FBXO38: variants seen among roughly 807,000 people sequenced by gnomAD.
The protein encoded by FBXO38 is F-box protein 38, also known as F-box only protein 38.
In FBXO38, 53 loss-of-function variants were observed where a neutral mutation model predicts 131.9. The ratio of observed to expected loss-of-function variants is 0.40; its 90% CI spans 0.32 to 0.51. The LOEUF (loss-of-function observed/expected upper bound fraction) is 0.51, where lower values mean the gene tolerates loss of function less well. Among genes scored for constraint, FBXO38 ranks in the 20% least tolerant of loss-of-function variants. The probability of loss-of-function intolerance (pLI) is 0.53; values close to 1 mark genes in which losing one functional copy is unlikely to be tolerated. For missense variants in FBXO38, 1,076 were observed against 1,475.6 expected (o/e 0.73, Z 4.44); for synonymous variants, 452 against 505.6 (o/e 0.89, Z 1.42).
Position 148,398,676 on chromosome 5 carries a change from G to GT in FBXO38, c.129-310dup, listed in dbSNP as rs200385007. On this transcript the variant is annotated intron_variant, in intron 2 of 21. Coordinates refer to ENST00000340253, the MANE Select transcript of FBXO38 (RefSeq NM_205836.3). Reference sequence around the variant, plus strand: ...TTCTCATCACATCTTGAAAAGCACTGTTTTTTTTTTTTTCTTCTTTTCTTT... The same window carrying GT: ...TTCTCATCACATCTTGAAAAGCACTGTTTTTTTTTTTTTTCTTCTTTTCTTT... Among the ~76,000 whole-genome samples the GT allele has an allele frequency of 0.018, 2,484 of 141,846 alleles. 49 individuals are homozygous for GT. The highest frequency in any genetic ancestry group is 0.1 in the East Asian group (499 of 4,790). 93.1% of individuals were successfully genotyped at this position (141,846 alleles called of 152,430 possible).
intron 6 of FBXO38, among the ~76,000 whole-genome samples, chr5:148,405,147 G>A (rs1191686185): frequency 3.9e-5 from 6 of 151,974 alleles, no homozygotes; most frequent in Admixed American, 3.9e-4. Flanking sequence ...CATGTAAATA[G>A]TTGGCTTCCT....
intron 3 of FBXO38, among the ~76,000 whole-genome samples, chr5:148,400,665 G>C (rs75973388): frequency 1.3e-5 from 2 of 152,134 alleles, no homozygotes; most frequent in African/African-American, 4.8e-5. Flanking sequence ...TATGGTTTAC[G>C]TATATGATCT....
chr5:148,411,681 C>T (rs191527998), intron 9 of FBXO38, among the ~76,000 whole-genome samples: 164 of 152,184 alleles, frequency 1.1e-3, no homozygotes, highest in Admixed American at 5.0e-3. Flanking sequence ...TAGGTGATTA[C>T]TTTAAAAAGT....
rs201719515 is a variant in FBXO38 at position 148,440,514 on chromosome 5, C to T, written c.3261C>T (p.Ile1087=). ...KYPKYPWGRE[I]YTLEGVVDGA... Reference sequence around the variant, plus strand: ...CCAAGTACCCCTGGGGGAGAGAAATCTATACTTTAGAAGGTGAGTATTTAC... The same window carrying T: ...CCAAGTACCCCTGGGGGAGAGAAATTTATACTTTAGAAGGTGAGTATTTAC... Residue 1087 remains isoleucine, a synonymous_variant, in exon 20 of 22, where the codon ATC becomes ATT. Coordinates refer to ENST00000340253, the MANE Select transcript of FBXO38 (RefSeq NM_205836.3). 1 of 1,592,930 alleles carries T rather than the reference C, an allele frequency of 6.3e-7. No individual in the cohort carries two copies. Among genetic ancestry groups the T allele is most frequent in the Non-Finnish European group, 8.6e-7 (1 of 1,161,536 alleles).
intron 13 of FBXO38, 75 bp from the exon 14 acceptor site, chr5:148,425,447 T>G: frequency 2.6e-6 from 3 of 1,164,458 alleles, no homozygotes; most frequent in Non-Finnish European, 3.8e-6. Flanking sequence ...TGATTCCAGA[T>G]CCCTGGAAAC....
At chr5:148,386,123 G>T (rs1161033492) in intron 1 of FBXO38, among the ~76,000 whole-genome samples, 1 of 152,144 alleles carries the variant, frequency 6.6e-6, no homozygotes, top group Non-Finnish European at 1.5e-5. Flanking sequence ...CACTGCATGG[G>T]AGCCTAAATT....
intron 1 of FBXO38, among the ~76,000 whole-genome samples, chr5:148,393,733 G>C (rs1220002798): frequency 6.6e-6 from 1 of 152,140 alleles, no homozygotes; most frequent in Admixed American, 6.6e-5. Context: ...ATATTTAAAT[G>C]AATCTGAATG....
At chr5:148,393,985 TC>T (rs1207643431) in intron 1 of FBXO38, among the ~76,000 whole-genome samples, 3 of 152,150 alleles carry the variant, frequency 2.0e-5, no homozygotes, top group African/African-American at 7.2e-5. Context: ...TCCCCTCTTT[TC>T]TTTCTCTTTT....
chr5:148,442,155 C>T lies in FBXO38; in HGVS notation c.*8C>T, dbSNP rs1012901420. The T allele has an allele frequency of 1.1e-5, 18 of 1,611,566 alleles. No homozygotes were observed. Among genetic ancestry groups the T allele is most frequent in the African/African-American group, 2.7e-5 (2 of 74,900 alleles). ...GAAGATGACTACATTTAATTGGTCC[C>T]TCCTCCTTTCCAGCTATTTTGTCAG... On this transcript the variant is annotated 3_prime_UTR_variant, in exon 22 of 22. Coordinates refer to ENST00000340253, the MANE Select transcript of FBXO38 (RefSeq NM_205836.3).
chr5:148,435,704 G>A (rs1457450152), intron 17 of FBXO38, among the ~76,000 whole-genome samples: 2 of 152,142 alleles, frequency 1.3e-5, no homozygotes, highest in African/African-American at 2.4e-5. Context: ...CGGTAGGCGG[G>A]GCTTGCAGTG....
rs2113589139 is a variant in FBXO38, at chr5:148,417,104, C to G, written c.1518C>G (p.Ala506=). The G allele has an allele frequency of 6.2e-7, 1 of 1,613,324 alleles. No homozygotes were observed. The highest frequency in any genetic ancestry group is 1.1e-5 in the South Asian group (1 of 91,074). ...ATAATAATGCCCAGAATAACAATGC[C>G]AACATCCACGACAACAATCACCATC... The part of the protein sequence containing the change: ...NDDNNAQNNN[A]NIHDNNHHHP... Residue 506 remains alanine, a synonymous_variant, in exon 12 of 22, where the codon GCC becomes GCG. Transcript: ENST00000340253.
At chr5:148,398,881 T>A in intron 2 of FBXO38, 118 bp from the exon 3 acceptor site, 1 of 1,169,926 alleles carries the variant, frequency 8.5e-7, no homozygotes, top group Middle Eastern at 2.9e-4. Flanking sequence ...TAAATCTCTG[T>A]CTTAAGATCT....
At chr5:148,414,457 A>T (rs1167097150) in intron 10 of FBXO38, 151 bp downstream of exon 10, 1 of 707,514 alleles carries the variant, frequency 1.4e-6, no homozygotes, top group Admixed American at 3.5e-5. Flanking sequence ...ACCTTTGATA[A>T]CCAAGTTGGA....
chr5:148,388,969 A>T (rs1307763123), intron 1 of FBXO38, among the ~76,000 whole-genome samples: 2 of 152,196 alleles, frequency 1.3e-5, no homozygotes, highest in Admixed American at 1.3e-4. Flanking sequence ...AAAGTGAGAG[A>T]TGCTCAACTC....
intron 12 of FBXO38, among the ~76,000 whole-genome samples, chr5:148,419,861 T>G (rs1045094719): frequency 2.6e-5 from 4 of 152,128 alleles, no homozygotes; most frequent in Admixed American, 1.3e-4. Context: ...ATGAGGTAAT[T>G]TACTGTAAAA....
chr5:148,442,234 G>T lies in FBXO38; in HGVS notation c.*87G>T. ...AGTGCTCCACAGGGACTTGAGGCAT[G>T]CAGTTGGGAGGTCCTGGCTCGGTTT... On this transcript the variant is annotated 3_prime_UTR_variant, in exon 22 of 22. Coordinates refer to ENST00000340253, the MANE Select transcript of FBXO38 (RefSeq NM_205836.3). 3 of 1,279,548 alleles carry T rather than the reference G, an allele frequency of 2.3e-6. No homozygotes were observed. The South Asian group carries it at 4.1e-5, about 17-fold the overall frequency. 79.3% of individuals were successfully genotyped at this position (1,279,548 alleles called of 1,614,324 possible). A position where few individuals can be genotyped will look rare whatever the true frequency, so the allele number is the denominator to read the frequency against.
intron 17 of FBXO38, among the ~76,000 whole-genome samples, chr5:148,437,405 A>G (rs1490688830): frequency 6.6e-6 from 1 of 152,204 alleles, no homozygotes; most frequent in Non-Finnish European, 1.5e-5. Flanking sequence ...AAGTCACAAA[A>G]GGAGAAAATG....
intron 3 of FBXO38, chr5:148,399,685 A>C (rs1034186250): frequency 6.6e-5 from 10 of 152,218 alleles, no homozygotes; most frequent in Non-Finnish European, 1.0e-4. Context: ...AATTGTTCCC[A>C]GTTGAAGAGA....
chr5:148,438,777 C>T (rs555979379), intron 18 of FBXO38, among the ~76,000 whole-genome samples: 8 of 152,132 alleles, frequency 5.3e-5, no homozygotes, highest in East Asian at 1.9e-4. Flanking sequence ...TATTTGACTT[C>T]GATGTCTTAG....
Sources: gnomAD v4.1 joint callset for allele counts (sites outside exome capture counted in the v4.1 genomes callset) on GRCh38, gnomAD v4.1.1 for gene constraint, MANE v1.5 for transcripts, NCBI Gene and HGNC (gene_info 2026-07-23, HGNC 2026-07-21) for gene names.